ABCC4: variants seen among roughly 807,000 people sequenced by gnomAD.
ABCC4 encodes ATP binding cassette subfamily C member 4 (PEL blood group).
Under a neutral mutation model 168.5 loss-of-function variants are expected in ABCC4, and 102 were observed. That is an observed-to-expected ratio of 0.61 (90% CI 0.52 to 0.71). The LOEUF is 0.71. Ranked by LOEUF, ABCC4 falls within the 30% of genes least tolerant of loss-of-function variation. The pLI is 0.00. For missense variants in ABCC4, 1,402 were observed against 1,605.8 expected (o/e 0.87, Z 2.17); for synonymous variants, 617 against 590.7 (o/e 1.04, Z -0.65).
At chr13:95,234,051 T>C (rs2039694153) in intron 4 of ABCC4, among the ~76,000 whole-genome samples, 1 of 152,236 alleles carries the variant, frequency 6.6e-6, no homozygotes, top group African/African-American at 2.4e-5. Context: ...GAAAATTATA[T>C]GGAATATGAC....
chr13:95,185,593 C>T (rs369461214), intron 11 of ABCC4, among the ~76,000 whole-genome samples: 2 of 152,316 alleles, frequency 1.3e-5, no homozygotes, highest in East Asian at 3.9e-4. Flanking sequence ...GCGGCCTTTT[C>T]CAGACAGCAT....
At chr13:95,095,007 T>C (rs1185812567) in intron 20 of ABCC4, among the ~76,000 whole-genome samples, 1 of 152,156 alleles carries the variant, frequency 6.6e-6, no homozygotes, top group Non-Finnish European at 1.5e-5. Context: ...GATGTTGGCA[T>C]GGATGCAGTG....
chr13:95,079,646 T>A (rs2034025046), intron 21 of ABCC4, among the ~76,000 whole-genome samples: 1 of 151,996 alleles, frequency 6.6e-6, no homozygotes, highest in Non-Finnish European at 1.5e-5. Context: ...ACCAGCCTGA[T>A]CAATATGGTG....
chr13:95,253,337 G>GT (rs2040313697), intron 1 of ABCC4, among the ~76,000 whole-genome samples: 1 of 152,046 alleles, frequency 6.6e-6, no homozygotes, highest in Admixed American at 6.6e-5. Context: ...TAAAAATCAT[G>GT]TTTTCCCCCC....
chr13:95,034,886 C>T (rs918332591), intron 29 of ABCC4, 147 bp from the exon 30 acceptor site: 2 of 1,128,112 alleles, frequency 1.8e-6, no homozygotes, highest in African/African-American at 1.6e-5. Flanking sequence ...TTTGATTACC[C>T]TGTTTTACGA....
At position 95,075,490 on chromosome 13, in the gene ABCC4, T is replaced by G; in HGVS notation, c.2748A>C (p.Ala916=). 1.9e-6 allele frequency: 3 copies of G among 1,614,146 alleles called. No individual in the cohort carries two copies. The highest frequency in any genetic ancestry group is 2.5e-6 in the Non-Finnish European group (3 of 1,180,000). Reference sequence around the variant, plus strand: ...CCTGACACCTCTCTTCTGCTTTGTATGCCCGGATGGTCCAGAGCCCCTGGA... The same window carrying G: ...CCTGACACCTCTCTTCTGCTTTGTAGGCCCGGATGGTCCAGAGCCCCTGGA... ...SSLQGLWTIR[A]YKAEERCQEL... Residue 916 remains alanine (A), a synonymous_variant, in exon 22 of 31, where the codon GCA becomes GCC. Transcript: ENST00000645237.
intron 11 of ABCC4, among the ~76,000 whole-genome samples, chr13:95,180,695 G>A (rs1301920069): frequency 6.6e-6 from 1 of 152,150 alleles, no homozygotes; most frequent in Non-Finnish European, 1.5e-5. Flanking sequence ...TTCCATTGCT[G>A]ATGGTCTTTA....
At chr13:95,127,007 C>T (rs1489194669) in intron 19 of ABCC4, among the ~76,000 whole-genome samples, 1 of 151,548 alleles carries the variant, frequency 6.6e-6, no homozygotes. Context: ...TATAATTCTA[C>T]CTAAGCTGTC....
chr13:95,028,791 T>G (rs560300065), intron 30 of ABCC4, among the ~76,000 whole-genome samples: 3 of 152,040 alleles, frequency 2.0e-5, no homozygotes, highest in African/African-American at 7.2e-5. Flanking sequence ...AAAACAAAAA[T>G]AGCTAACTTA....
intron 1 of ABCC4, among the ~76,000 whole-genome samples, chr13:95,296,137 C>A (rs953820741): frequency 0.02 from 115 of 5,642 alleles, no homozygotes; most frequent in African/African-American, 0.038. Context: ...TGTCTCAAAA[C>A]ACACACACAC....
In ABCC4 at chr13:95,101,354, A is replaced by ATT. The variant is rs4148526; in HGVS notation, c.2535+14566_2535+14567dup. On this transcript the variant is annotated intron_variant, in intron 20 of 30. Transcript: ENST00000645237. ...TTATTTAAGCTCAGTCAAGCTGCTG[A>ATT]TTTTTTTTTTTTTTTAGATGAGGGG... Among the ~76,000 whole-genome samples, 257 of 141,984 alleles carry ATT rather than the reference A, an allele frequency of 1.8e-3. 2 individuals carry two copies. Among genetic ancestry groups the ATT allele is most frequent in the African/African-American group, 5.5e-3 (215 of 38,760 alleles). 93.1% of individuals were successfully genotyped at this position (141,984 alleles called of 152,430 possible). A position where few individuals can be genotyped will look rare whatever the true frequency, so the allele number is the denominator to read the frequency against.
At chr13:95,058,647 T>C (rs1359898493) in intron 26 of ABCC4, among the ~76,000 whole-genome samples, 1 of 149,212 alleles carries the variant, frequency 6.7e-6, no homozygotes, top group Non-Finnish European at 1.5e-5. Flanking sequence ...TGATGAGATA[T>C]CATGCTGTCC....
chr13:95,230,649 C>G (rs1347165368), intron 4 of ABCC4, among the ~76,000 whole-genome samples: 1 of 152,106 alleles, frequency 6.6e-6, no homozygotes, highest in Non-Finnish European at 1.5e-5. Flanking sequence ...GTGGCAGGTG[C>G]CTGTAGTCCC....
chr13:95,294,326 G>A (rs1251298702), intron 1 of ABCC4, among the ~76,000 whole-genome samples: 1 of 152,092 alleles, frequency 6.6e-6, no homozygotes, highest in Non-Finnish European at 1.5e-5. Flanking sequence ...TCACGCCACT[G>A]CACTCTAGCC....
chr13:95,034,520 G>C, intron 30 of ABCC4, 85 bp downstream of exon 30: 1 of 1,507,734 alleles, frequency 6.6e-7, no homozygotes, highest in Non-Finnish European at 8.9e-7. Flanking sequence ...GGTACACAGT[G>C]CTTGTTACCA....
intron 26 of ABCC4, among the ~76,000 whole-genome samples, chr13:95,054,266 A>G (rs956566285): frequency 1.4e-4 from 21 of 152,116 alleles, no homozygotes; most frequent in Non-Finnish European, 3.1e-4. Flanking sequence ...CATCAATTTA[A>G]ATAGCTGTTC....
At chr13:95,261,496 C>T (rs1291965223) in intron 1 of ABCC4, among the ~76,000 whole-genome samples, 4 of 152,040 alleles carry the variant, frequency 2.6e-5, no homozygotes. Context: ...ACATAAAAAG[C>T]TGTATCTATG....
At chr13:95,206,826 G>C (rs780840850) in intron 7 of ABCC4, 45 bp from the exon 8 acceptor site, 2 of 1,602,324 alleles carry the variant, frequency 1.2e-6, no homozygotes, top group Admixed American at 1.7e-5. Flanking sequence ...ATGTCAACCA[G>C]ATAAAGTGGC....
chr13:95,095,865 T>C (rs1195312464), intron 20 of ABCC4: 2 of 320,892 alleles, frequency 6.2e-6, no homozygotes, highest in Admixed American at 4.9e-5. Flanking sequence ...TCAGAATACA[T>C]AAAGAATTCT....
Sources: gnomAD v4.1 joint callset for allele counts (sites outside exome capture counted in the v4.1 genomes callset) on GRCh38, gnomAD v4.1.1 for gene constraint, MANE v1.5 for transcripts, NCBI Gene and HGNC (gene_info 2026-07-23, HGNC 2026-07-21) for gene names.